CD2AP: variants seen among roughly 807,000 people sequenced by gnomAD.
The protein encoded by CD2AP is CD2-associated protein.
CD2AP carries 46 observed loss-of-function variants against 85.1 expected under a neutral mutation model. The ratio of observed to expected loss-of-function variants is 0.54; its 90% confidence interval spans 0.43 to 0.69. The LOEUF (loss-of-function observed/expected upper bound fraction) is 0.69, where lower values mean the gene tolerates loss of function less well. Among genes scored for constraint, CD2AP ranks in the 30% least tolerant of loss-of-function variants. CD2AP has a pLI of 0.00. For synonymous variants in CD2AP, 255 were observed against 252.9 expected, an observed-to-expected ratio of 1.01 and a Z score of -0.08; for missense variants, 769 against 729.5, an observed-to-expected ratio of 1.05 and a Z score of -0.62.
rs1336501713 is a variant in CD2AP, at chr6:47,604,499, CT to C, written c.1418-1663del. On this transcript the variant is annotated intron_variant, in intron 13 of 17. Transcript: ENST00000359314. ...TTCCTGTGTTTTTCTGTTTCTTTTT[CT>C]TTCTGCAAGTTGCTTAAATATGCAT... 3.3e-5 allele frequency among the ~76,000 whole-genome samples: 5 copies of C among 151,796 alleles called. No individual in the cohort carries two copies. The South Asian group carries it at 8.3e-4, about 25-fold the overall frequency.
At position 47,489,967 on chromosome 6, in the gene CD2AP, CTTTTT is replaced by C. The variant is rs71684059; in HGVS notation, c.4+11738_4+11742del. On this transcript the variant is annotated intron_variant, in intron 1 of 17. Coordinates refer to ENST00000359314, the MANE Select transcript of CD2AP (RefSeq NM_012120.3). ...TGAGTAACTATTTTCTCTAAAGAGA[CTTTTT>C]TTTTTTTTTTTTTTTTTTAAAGGAA... is the stretch of plus-strand genomic sequence containing the variant. Among the ~76,000 whole-genome samples the C allele has an allele frequency of 5.4e-3, 660 of 121,698 alleles. 5 individuals are homozygous for C. Among genetic ancestry groups the C allele is most frequent in the African/African-American group, 0.021 (634 of 29,862 alleles). 79.8% of individuals were successfully genotyped at this position (121,698 alleles called of 152,430 possible). A position where few individuals can be genotyped will look rare whatever the true frequency, so the allele number is the denominator to read the frequency against.
chr6:47,531,523 A>G (rs1766874973), intron 2 of CD2AP, among the ~76,000 whole-genome samples: 1 of 150,730 alleles, frequency 6.6e-6, no homozygotes, highest in East Asian at 2.0e-4. Flanking sequence ...TTGGATATGA[A>G]TCCACTGAGC....
At chr6:47,618,585 T>A (rs566312987) in intron 17 of CD2AP, among the ~76,000 whole-genome samples, 1 of 152,352 alleles carries the variant, frequency 6.6e-6, no homozygotes, top group East Asian at 1.9e-4. Flanking sequence ...ATTCGCAGCA[T>A]GTAATGTAGA....
Position 47,492,347 on chromosome 6 carries a change from CTTTTTTTTTTTT to C in CD2AP, c.5-10921_5-10910del, listed in dbSNP as rs70999626. Among the ~76,000 whole-genome samples, 140 of 95,512 alleles carry C rather than the reference CTTTTTTTTTTTT, an allele frequency of 1.5e-3. 1 individual carries two copies. The highest frequency in any genetic ancestry group is 5.2e-3 in the African/African-American group (126 of 24,430). 62.7% of individuals were successfully genotyped at this position (95,512 alleles called of 152,430 possible). A position where few individuals can be genotyped will look rare whatever the true frequency, so the allele number is the denominator to read the frequency against. ...GGGTTTGGTGGCTCACACCTGTAAT[CTTTTTTTTTTTT>C]TTTTTTTTTTTGAGACAGGGTCTTG... On this transcript the variant is annotated intron_variant, in intron 1 of 17. Transcript: ENST00000359314.
intron 3 of CD2AP, among the ~76,000 whole-genome samples, chr6:47,541,367 G>C (rs1425806342): frequency 6.6e-6 from 1 of 152,058 alleles, no homozygotes; most frequent in Non-Finnish European, 1.5e-5. Flanking sequence ...CTCATGATCC[G>C]CCTGCCTCGG....
At chr6:47,536,063 C>G (rs1394525237) in intron 3 of CD2AP, among the ~76,000 whole-genome samples, 1 of 152,092 alleles carries the variant, frequency 6.6e-6, no homozygotes, top group Non-Finnish European at 1.5e-5. Flanking sequence ...GAAGCTTAGG[C>G]CTTTTTTTCC....
intron 2 of CD2AP, among the ~76,000 whole-genome samples, chr6:47,510,953 G>T (rs1334730205): frequency 6.6e-6 from 1 of 151,738 alleles, no homozygotes; most frequent in Non-Finnish European, 1.5e-5. Context: ...TGCGCCTGTA[G>T]TCCCAGCTAC....
intron 5 of CD2AP, among the ~76,000 whole-genome samples, chr6:47,559,879 T>G (rs951690357): frequency 2.4e-4 from 37 of 152,268 alleles, no homozygotes; most frequent in African/African-American, 7.7e-4. Context: ...AATCTAGATA[T>G]AGAGCTAGAA....
intron 2 of CD2AP, among the ~76,000 whole-genome samples, chr6:47,519,650 A>G (rs1322915550): frequency 1.3e-5 from 2 of 152,204 alleles, no homozygotes; most frequent in African/African-American, 2.4e-5. Flanking sequence ...GTATGTAGAT[A>G]TATAGTGGAA....
In CD2AP at chr6:47,624,507, G is replaced by T; in HGVS notation, c.*280G>T. ...AATACTACTGAATATAAATAAGAAT[G>T]TGCACAGTAGTTTTTTTATTGAAAC... On this transcript the variant is annotated 3_prime_UTR_variant, in exon 18 of 18. Transcript: ENST00000359314. The T allele has an allele frequency of 2.8e-6, 1 of 359,058 alleles. No individual in the cohort carries two copies. Among genetic ancestry groups the T allele is most frequent in the Non-Finnish European group, 5.0e-6 (1 of 198,666 alleles). The allele number at this position is 359,058 out of a possible 1,614,324, so 22.2% of individuals were successfully genotyped here. A position where few individuals can be genotyped will look rare whatever the true frequency, so the allele number is the denominator to read the frequency against.
At chr6:47,542,816 C>G (rs1161837097) in intron 3 of CD2AP, among the ~76,000 whole-genome samples, 2 of 152,168 alleles carry the variant, frequency 1.3e-5, no homozygotes, top group East Asian at 3.9e-4. Flanking sequence ...GTGGTAAGTA[C>G]AGGGTGCTAG....
At chr6:47,567,084 G>GT (rs34283930) in intron 5 of CD2AP, among the ~76,000 whole-genome samples, 38,481 of 145,604 alleles carry the variant, frequency 0.26, 5,448 homozygotes, top group East Asian at 0.59. Context: ...TGATTTCCCA[G>GT]TTTTTTTTTT....
chr6:47,500,530 A>T (rs1765972039), intron 1 of CD2AP, among the ~76,000 whole-genome samples: 1 of 152,222 alleles, frequency 6.6e-6, no homozygotes. Context: ...AAACGTTAAG[A>T]AACTACTTCA....
At chr6:47,521,845 G>C (rs112542015) in intron 2 of CD2AP, among the ~76,000 whole-genome samples, 1 of 151,548 alleles carries the variant, frequency 6.6e-6, no homozygotes, top group African/African-American at 2.4e-5. Flanking sequence ...GAGAAATCCC[G>C]TCTCTACTAA....
At chr6:47,589,941 G>A (rs1170278416) in intron 11 of CD2AP, among the ~76,000 whole-genome samples, 1 of 152,096 alleles carries the variant, frequency 6.6e-6, no homozygotes, top group Non-Finnish European at 1.5e-5. Context: ...TTCTTGATGG[G>A]AGGAAGGTGA....
At position 47,478,122 on chromosome 6, in the gene CD2AP, G is replaced by A. The variant is rs1285551100; in HGVS notation, c.-123G>A. ...GGAGGCGACTCTTCGCCCCGCCTGA[G>A]CTCAGGAGGGGCTAGCGCGGAGCGC... On this transcript the variant is annotated 5_prime_UTR_variant, in exon 1 of 18. Coordinates refer to ENST00000359314, the MANE Select transcript of CD2AP (RefSeq NM_012120.3). 1 of 1,296,180 alleles carries A rather than the reference G, an allele frequency of 7.7e-7. No individual in the cohort carries two copies. Among genetic ancestry groups the A allele is most frequent in the Non-Finnish European group, 1.1e-6 (1 of 917,808 alleles). The allele number at this position is 1,296,180 out of a possible 1,614,324, so 80.3% of individuals were successfully genotyped here.
chr6:47,533,953 C>G (rs900350488), intron 3 of CD2AP, among the ~76,000 whole-genome samples, 198 bp downstream of exon 3: 1 of 152,192 alleles, frequency 6.6e-6, no homozygotes, highest in Non-Finnish European at 1.5e-5. Context: ...AAATCAATAT[C>G]ATTATAAATT....
chr6:47,561,463 C>G (rs1456129402), intron 5 of CD2AP, among the ~76,000 whole-genome samples: 3 of 151,868 alleles, frequency 2.0e-5, no homozygotes, highest in Non-Finnish European at 4.4e-5. Context: ...AGCTACCTAT[C>G]AAGGCAAACT....
rs553965594 is a variant in CD2AP at position 47,503,667 on chromosome 6, G to T, written c.165+227G>T. Among the ~76,000 whole-genome samples the T allele has an allele frequency of 2.6e-5, 4 of 152,232 alleles. 1 individual carries two copies. In the South Asian group the frequency reaches 8.3e-4, roughly 32 times the overall value. On this transcript the variant is annotated intron_variant, in intron 2 of 17. Transcript: ENST00000359314. ...GTTTGTGTATATATGCTTGTATATG[G>T]TTGTGTGTATCTACCTGATTACTGA... is the stretch of plus-strand genomic sequence containing the variant.
Sources: gnomAD v4.1 joint callset for allele counts (sites outside exome capture counted in the v4.1 genomes callset) on GRCh38, gnomAD v4.1.1 for gene constraint, MANE v1.5 for transcripts, NCBI Gene and HGNC (gene_info 2026-07-23, HGNC 2026-07-21) for gene names.